Variants in PRDM16 observed in about 807,000 individuals in gnomAD.
The protein encoded by PRDM16 is histone-lysine N-methyltransferase PRDM16.
A neutral mutation model predicts 110.6 loss-of-function variants in PRDM16; 23 were observed. The ratio of observed to expected loss-of-function variants is 0.21; its 90% CI spans 0.15 to 0.29. The LOEUF (loss-of-function observed/expected upper bound fraction) is 0.29, where lower values mean the gene tolerates loss of function less well. PRDM16 is among the 10% of genes least tolerant of loss of function. The pLI, the probability that PRDM16 is intolerant of heterozygous loss-of-function variation, is 1.00. For missense variants in PRDM16, 1,615 were observed against 1,794.3 expected, an observed-to-expected ratio of 0.90 and a Z score of 1.81; for synonymous variants, 799 against 781.8, an observed-to-expected ratio of 1.02 and a Z score of -0.37.
chr1:3,105,339 G>A (rs1570255828), intron 1 of PRDM16, among the ~76,000 whole-genome samples: 1 of 152,222 alleles, frequency 6.6e-6, no homozygotes, highest in Non-Finnish European at 1.5e-5. Flanking sequence ...CAGAGGCTTC[G>A]GTCTGCACTG....
intron 1 of PRDM16, among the ~76,000 whole-genome samples, chr1:3,135,970 G>A (rs941138213): frequency 2.0e-5 from 3 of 152,216 alleles, no homozygotes; most frequent in Admixed American, 6.5e-5. Context: ...GAGCCTGGGC[G>A]TCTCCCTTTG....
intron 8 of PRDM16, among the ~76,000 whole-genome samples, chr1:3,409,801 T>C (rs985072650): frequency 8.6e-6 from 1 of 116,390 alleles, no homozygotes; most frequent in Non-Finnish European, 1.7e-5. Context: ...TGGGTGTGTG[T>C]GGTGTATGTG....
chr1:3,311,208 C>T (rs1641450987), intron 3 of PRDM16, among the ~76,000 whole-genome samples: 1 of 152,214 alleles, frequency 6.6e-6, no homozygotes, highest in African/African-American at 2.4e-5. Flanking sequence ...GAAACCAGAG[C>T]TCTCCTGCAG....
intron 3 of PRDM16, among the ~76,000 whole-genome samples, chr1:3,355,581 A>G (rs1366103463): frequency 1.3e-5 from 2 of 152,248 alleles, no homozygotes; most frequent in South Asian, 2.1e-4. Context: ...CCCAAGAACA[A>G]TAAAAACAAG....
intron 3 of PRDM16, among the ~76,000 whole-genome samples, chr1:3,322,424 G>T (rs1026607474): frequency 1.3e-5 from 2 of 152,090 alleles, no homozygotes; most frequent in East Asian, 3.9e-4. Context: ...AGCCTCCTGG[G>T]CCCCTCAGTT....
In PRDM16 at chr1:3,349,035, G is replaced by A. The variant is rs552178491; in HGVS notation, c.439-36117G>A. Among the ~76,000 whole-genome samples the A allele has an allele frequency of 5.3e-5, 8 of 152,352 alleles. No individual in the cohort carries two copies. The South Asian group carries it at 1.0e-3, about 20-fold the overall frequency. ...TCCTGCCTTTGGTGGGGGTGGGGGC[G>A]GGGCCCAGCATGGCCGGAGAGGCTG... On this transcript the variant is annotated intron_variant, in intron 3 of 16. Coordinates refer to ENST00000270722, the MANE Select transcript of PRDM16 (RefSeq NM_022114.4).
chr1:3,203,553 C>G (rs1241498606), intron 2 of PRDM16, among the ~76,000 whole-genome samples: 2 of 150,798 alleles, frequency 1.3e-5, no homozygotes, highest in Non-Finnish European at 2.9e-5. Flanking sequence ...GCAGAAGCCT[C>G]TGGGGTGGGG....
Position 3,245,750 on chromosome 1 carries a change from A to G in PRDM16, c.438+1613A>G, listed in dbSNP as rs1181189805. 1.3e-5 allele frequency among the ~76,000 whole-genome samples: 2 copies of G among 152,106 alleles called. No individual in the cohort carries two copies. The highest frequency in any genetic ancestry group is 2.4e-5 in the African/African-American group (1 of 41,388). ...ATGAGTTCACATTTTCTTAAAGGACATAGAGGAGCAGGAAACAGTTAGCAG... is the reference window on the plus strand; with the variant it reads ...ATGAGTTCACATTTTCTTAAAGGACGTAGAGGAGCAGGAAACAGTTAGCAG... On this transcript the variant is annotated intron_variant, in intron 3 of 16. Coordinates refer to ENST00000270722, the MANE Select transcript of PRDM16 (RefSeq NM_022114.4). The surrounding 1 kb of genome is among the most constrained non-coding windows in gnomAD (Gnocchi z 4.7).
chr1:3,159,314 G>C (rs1414881228), intron 1 of PRDM16, among the ~76,000 whole-genome samples: 3 of 152,238 alleles, frequency 2.0e-5, no homozygotes, highest in Non-Finnish European at 4.4e-5. Context: ...GATGCGCCTC[G>C]CAGACCGCAG....
At position 3,322,571 on chromosome 1, in the gene PRDM16, G is replaced by C. The variant is rs894455930; in HGVS notation, c.439-62581G>C. Among the ~76,000 whole-genome samples the C allele has an allele frequency of 5.3e-5, 8 of 152,172 alleles. No individual in the cohort carries two copies. In the East Asian group the frequency reaches 1.6e-3, roughly 30 times the overall value. On this transcript the variant is annotated intron_variant, in intron 3 of 16. Transcript: ENST00000270722. ...CGGAGAGGCCACCACTGTCTCAGGA[G>C]CTTCGTCCCTGCACGTCCGGTCTCC...
intron 1 of PRDM16, among the ~76,000 whole-genome samples, chr1:3,114,254 G>GCACGCGCACACGTACACA (rs1167301635): frequency 4.3e-5 from 5 of 117,340 alleles, no homozygotes; most frequent in Non-Finnish European, 6.8e-5. Context: ...ACATGCACAC[G>GCACGCGCACACGTACACA]CACGCGCACA....
intron 1 of PRDM16, among the ~76,000 whole-genome samples, chr1:3,100,142 TC>T (rs1642498138): frequency 6.6e-6 from 1 of 152,040 alleles, no homozygotes; most frequent in Non-Finnish European, 1.5e-5. Context: ...GGCCCTGCCC[TC>T]CCCTGAGGCC....
chr1:3,327,693 T>C (rs2483270), intron 3 of PRDM16, among the ~76,000 whole-genome samples: 57,932 of 152,022 alleles, frequency 0.38, 11,548 homozygotes, highest in Middle Eastern at 0.51. Context: ...GTGCGGGTAC[T>C]AGAGGGGATG....
At chr1:3,211,781 C>G (rs1638889282) in intron 2 of PRDM16, among the ~76,000 whole-genome samples, 1 of 152,242 alleles carries the variant, frequency 6.6e-6, no homozygotes, top group Non-Finnish European at 1.5e-5. Flanking sequence ...GGCCCATGGC[C>G]TTGCAGCACG....
chr1:3,282,335 G>A (rs563051102), intron 3 of PRDM16, among the ~76,000 whole-genome samples: 120 of 152,322 alleles, frequency 7.9e-4, no homozygotes, highest in African/African-American at 2.7e-3. Flanking sequence ...TGTGTGGAGT[G>A]GGGGCTCTGG....
intron 2 of PRDM16, among the ~76,000 whole-genome samples, chr1:3,231,384 A>AGGGACAGCGG: frequency 6.6e-6 from 1 of 151,938 alleles, no homozygotes; most frequent in African/African-American, 2.4e-5. Flanking sequence ...CCCCGTCGTC[A>AGGGACAGCGG]TGGACAGCGG....
rs944878203 is a variant in PRDM16, at chr1:3,359,790, C to T, written c.439-25362C>T. ...CAGCCAGAAGGCAAGGCGGGAAAAA[C>T]GAGCCTGGCCTGAAACCACGCCCGT... is the stretch of plus-strand genomic sequence containing the variant. On this transcript the variant is annotated intron_variant, in intron 3 of 16. Transcript: ENST00000270722. This position sits in a 1 kb window ranked among gnomAD's most constrained non-coding sequence, Gnocchi z 4.3. Among the ~76,000 whole-genome samples, 6 of 152,176 alleles carry T rather than the reference C, an allele frequency of 3.9e-5. No individual in the cohort carries two copies. The highest frequency in any genetic ancestry group is 5.9e-5 in the Non-Finnish European group (4 of 68,034).
chr1:3,143,755 G>A lies in PRDM16; in HGVS notation c.38-42370G>A, dbSNP rs1322873074. Among the ~76,000 whole-genome samples, 1 of 152,208 alleles carries A rather than the reference G, an allele frequency of 6.6e-6. No individual in the cohort carries two copies. The highest frequency in any genetic ancestry group is 2.4e-5 in the African/African-American group (1 of 41,464). On this transcript the variant is annotated intron_variant, in intron 1 of 16. Coordinates refer to ENST00000270722, the MANE Select transcript of PRDM16 (RefSeq NM_022114.4). The surrounding 1 kb of genome is among the most constrained non-coding windows in gnomAD (Gnocchi z 4.5). ...GCCTCCCAAAGTGCTGGGATCACAG[G>A]CTTGAGCCACCGCGTCCGGCTTATT...
At chr1:3,099,113 G>A (rs1037105318) in intron 1 of PRDM16, among the ~76,000 whole-genome samples, 1 of 152,236 alleles carries the variant, frequency 6.6e-6, no homozygotes, top group Non-Finnish European at 1.5e-5. Flanking sequence ...AATCCAGGTC[G>A]CCTGCAATGA....
Sources: gnomAD v4.1 joint callset for allele counts (sites outside exome capture counted in the v4.1 genomes callset) on GRCh38, gnomAD v4.1.1 for gene constraint, Gnocchi (gnomAD v3.1) non-coding constraint, MANE v1.5 for transcripts, NCBI Gene and HGNC (gene_info 2026-07-23, HGNC 2026-07-21) for gene names.